Variants in CDKL5 observed in about 807,000 individuals in gnomAD.
CDKL5 encodes cyclin dependent kinase like 5.
In CDKL5, 8 loss-of-function variants were observed where a neutral mutation model predicts 61.7. That is an observed-to-expected ratio of 0.13 (90% CI 0.08 to 0.23). The LOEUF is 0.23. CDKL5 is among the 10% of genes least tolerant of loss of function. CDKL5 has a pLI of 1.00. For missense variants in CDKL5, 440 were observed against 734.5 expected (o/e 0.60, Z 4.63); for synonymous variants, 275 against 272.3 (o/e 1.01, Z -0.10).
chrX:18,592,222 A>G (rs1925851820), intron 9 of CDKL5, among the ~76,000 whole-genome samples: 1 of 112,314 alleles, frequency 8.9e-6, no homozygotes, highest in Admixed American at 9.5e-5. Context: ...CCATGAAATA[A>G]TTAGAAAACA....
downstream of CDKL5, chrX:18,640,886 G>A (rs1927550124): frequency 1.8e-5 from 2 of 112,862 alleles, no homozygotes; most frequent in Non-Finnish European, 3.8e-5. Flanking sequence ...TGGCCAATGA[G>A]GCCTCCCAAT....
At chrX:18,522,052 A>T (rs1239255195) in intron 3 of CDKL5, among the ~76,000 whole-genome samples, 4 of 108,756 alleles carry the variant, frequency 3.7e-5, no homozygotes, top group East Asian at 5.7e-4. Flanking sequence ...TGAATTTGAA[A>T]TTTTTTTTTT....
chrX:18,517,203 CTT>C (rs1379145857), intron 3 of CDKL5, among the ~76,000 whole-genome samples: 1 of 111,710 alleles, frequency 9.0e-6, no homozygotes. Flanking sequence ...ACTCTGAAAA[CTT>C]TTCCTCATTC....
At chrX:18,602,646 C>T in intron 11 of CDKL5, among the ~76,000 whole-genome samples, 1 of 110,767 alleles carries the variant, frequency 9.0e-6, no homozygotes, top group Non-Finnish European at 1.9e-5. Flanking sequence ...TTGACACTCT[C>T]AGGTAGCTTT....
intron 1 of CDKL5, among the ~76,000 whole-genome samples, chrX:18,469,940 G>A (rs1270541998): frequency 8.9e-6 from 1 of 112,066 alleles, no homozygotes; most frequent in Non-Finnish European, 1.9e-5. Flanking sequence ...TATTTAATAT[G>A]TATTTTTATG....
At chrX:18,444,139 G>A (rs1249705120) in intron 1 of CDKL5, among the ~76,000 whole-genome samples, 1 of 101,117 alleles carries the variant, frequency 9.9e-6, no homozygotes, top group Non-Finnish European at 2.0e-5. Context: ...GCTTTTATTT[G>A]ATGTATTCCA....
At chrX:18,452,783 T>C (rs1272446509) in intron 1 of CDKL5, among the ~76,000 whole-genome samples, 3 of 107,276 alleles carry the variant, frequency 2.8e-5, no homozygotes, top group Admixed American at 1.0e-4. Context: ...GGAAATGTTA[T>C]AGTATCATTG....
chrX:18,607,556 C>T (rs1926404788), intron 12 of CDKL5, among the ~76,000 whole-genome samples: 1 of 112,050 alleles, frequency 8.9e-6, no homozygotes, highest in African/African-American at 3.2e-5. Flanking sequence ...TTACTGTGGG[C>T]TAAGCACAGA....
chrX:18,585,132 G>A (rs1043878804), intron 8 of CDKL5, among the ~76,000 whole-genome samples: 2 of 111,823 alleles, frequency 1.8e-5, no homozygotes, highest in African/African-American at 6.5e-5. Context: ...AGTGGCTCAC[G>A]CCTGTAATCC....
intron 3 of CDKL5, among the ~76,000 whole-genome samples, chrX:18,553,385 T>G (rs1924466070): frequency 9.0e-6 from 1 of 111,498 alleles, no homozygotes; most frequent in Admixed American, 9.5e-5. Context: ...TTTTATGTCT[T>G]ATTGGAAATA....
intron 3 of CDKL5, among the ~76,000 whole-genome samples, chrX:18,546,260 T>TC (rs1924191923): frequency 1.0e-5 from 1 of 99,320 alleles, no homozygotes; most frequent in Non-Finnish European, 2.0e-5. Context: ...TACTTCTTCT[T>TC]TTTTTTTTTT....
intron 1 of CDKL5, among the ~76,000 whole-genome samples, chrX:18,494,902 T>C (rs1222481275): frequency 8.9e-6 from 1 of 112,122 alleles, no homozygotes; most frequent in Non-Finnish European, 1.9e-5. Context: ...TCCTATTAAT[T>C]ATGGGTCAGA....
chrX:18,479,434 G>C (rs938089207), intron 1 of CDKL5, among the ~76,000 whole-genome samples: 1 of 103,574 alleles, frequency 9.7e-6, no homozygotes, highest in Non-Finnish European at 2.0e-5. Flanking sequence ...ATTCTCCTGC[G>C]TCAGCCTCCC....
chrX:18,629,929 A>G lies in CDKL5; in HGVS notation c.*1172A>G. On this transcript the variant is annotated 3_prime_UTR_variant, in exon 18 of 18. Transcript: ENST00000623535. ...AGTGAACATTCCTTGTTGTGAGATC[A>G]TAAGAGGTACCTGTCTGCAGATCTT... is the stretch of plus-strand genomic sequence containing the variant. The G allele has an allele frequency of 2.7e-6, 2 of 753,759 alleles. No individual in the cohort carries two copies. Among genetic ancestry groups the G allele is most frequent in the East Asian group, 1.5e-4 (1 of 6,672 alleles). The allele number at this position is 753,759 out of a possible 1,213,427, so 62.1% of individuals were successfully genotyped here. A position where few individuals can be genotyped will look rare whatever the true frequency, so the allele number is the denominator to read the frequency against.
At chrX:18,588,183 G>A (rs1224979478) in intron 9 of CDKL5, 40 bp downstream of exon 9, 3 of 1,021,920 alleles carry the variant, frequency 2.9e-6, no homozygotes, top group Non-Finnish European at 4.1e-6. Context: ...AATCAATACT[G>A]CAGTATTTGA....
rs1927289595 is a variant in CDKL5, at chrX:18,633,470, A to G, written c.*4713A>G. The G allele has an allele frequency of 1.3e-6, 1 of 754,905 alleles. No individual in the cohort carries two copies. The allele number at this position is 754,905 out of a possible 1,213,427, so 62.2% of individuals were successfully genotyped here. ...AGACTTAAAAGCCTGGCTTACAAAA[A>G]TAACCAGAAACCAAACTTGTAAGCA... On this transcript the variant is annotated 3_prime_UTR_variant, in exon 18 of 18. Transcript: ENST00000623535.
At chrX:18,617,441 C>T (rs1310392681) in intron 15 of CDKL5, among the ~76,000 whole-genome samples, 4 of 112,113 alleles carry the variant, frequency 3.6e-5, no homozygotes, top group Non-Finnish European at 7.5e-5. Context: ...ATCACAGGGG[C>T]CAGAATGCGC....
intron 3 of CDKL5, among the ~76,000 whole-genome samples, chrX:18,550,440 C>T (rs138905986): frequency 7.1e-5 from 8 of 111,899 alleles, no homozygotes; most frequent in Non-Finnish European, 1.3e-4. Context: ...GACTGCACTA[C>T]CATATAATGC....
intron 1 of CDKL5, among the ~76,000 whole-genome samples, chrX:18,498,235 A>G (rs1222063236): frequency 8.9e-6 from 1 of 111,932 alleles, no homozygotes; most frequent in Non-Finnish European, 1.9e-5. Context: ...ACTTACATGT[A>G]CATACTTAAT....
Sources: allele counts gnomAD v4.1 joint callset (sites outside exome capture counted in the v4.1 genomes callset), GRCh38; gene constraint gnomAD v4.1.1; transcripts MANE v1.5; gene names NCBI Gene and HGNC (gene_info 2026-07-23, HGNC 2026-07-21).